Variants in FAM184B observed in about 807,000 individuals in gnomAD.
FAM184B encodes the protein family with sequence similarity 184 member B.
Under a neutral mutation model 135.9 loss-of-function variants are expected in FAM184B, and 111 were observed. The ratio of observed to expected loss-of-function variants is 0.82; its 90% CI spans 0.70 to 0.96. The LOEUF is 0.96. Among genes scored for constraint, FAM184B ranks in the 40% least tolerant of loss-of-function variants. The pLI is 0.00. For synonymous variants in FAM184B, 552 were observed against 524.8 expected (o/e 1.05, Z -0.71); for missense variants, 1,375 against 1,323.9 (o/e 1.04, Z -0.60).
chr4:17,637,669 A>G (rs1179637611), intron 14 of FAM184B, among the ~76,000 whole-genome samples: 1 of 94,236 alleles, frequency 1.1e-5, no homozygotes, highest in Non-Finnish European at 2.3e-5. Context: ...TTTGTATTGG[A>G]GACTGGAGAA....
chr4:17,671,697 C>A (rs1445572208), intron 7 of FAM184B, among the ~76,000 whole-genome samples: 5 of 151,790 alleles, frequency 3.3e-5, no homozygotes, highest in African/African-American at 1.2e-4. Context: ...ATATGATTTA[C>A]CTGACGGAGA....
chr4:17,727,319 C>T (rs1458394827), intron 1 of FAM184B, among the ~76,000 whole-genome samples: 3 of 152,190 alleles, frequency 2.0e-5, no homozygotes, highest in African/African-American at 4.8e-5. Context: ...ACCAGGACAG[C>T]TGACAAGAGA....
chr4:17,642,108 C>G lies in FAM184B; in HGVS notation c.2467G>C (p.Ala823Pro). ...TCCTGCTGATGCTGCTCCACCTCCG[C>G]GCGCAGCCGCCGCACCGCGTCCTGG... ...QLQDAVRRLR[A>P]EVEQHQQEAQ... The change falls in exon 13 of 18, where the codon GCG (alanine) becomes CCG (proline). Residue 823 changes from alanine (A) to proline (P), a missense_variant. Ala to Pro is a conservative substitution (Grantham distance 27). Coordinates refer to ENST00000265018, the MANE Select transcript of FAM184B (RefSeq NM_015688.2). 2 of 1,532,868 alleles carry G rather than the reference C, an allele frequency of 1.3e-6. No individual in the cohort carries two copies. Among genetic ancestry groups the G allele is most frequent in the Non-Finnish European group, 1.7e-6 (2 of 1,145,330 alleles). The allele number at this position is 1,532,868 out of a possible 1,614,324, so 95.0% of individuals were successfully genotyped here. A position where few individuals can be genotyped will look rare whatever the true frequency, so the allele number is the denominator to read the frequency against.
At chr4:17,760,259 T>C (rs1718515396) in intron 1 of FAM184B, among the ~76,000 whole-genome samples, 1 of 150,646 alleles carries the variant, frequency 6.6e-6, no homozygotes, top group African/African-American at 2.4e-5. Context: ...AGGTCAGGAG[T>C]TCAAGACCAG....
At chr4:17,767,219 G>A (rs944577854) in intron 1 of FAM184B, among the ~76,000 whole-genome samples, 5 of 152,160 alleles carry the variant, frequency 3.3e-5, no homozygotes, top group South Asian at 2.1e-4. Context: ...AGAGGGAGCC[G>A]GCTCCAGCCT....
Position 17,629,996 on chromosome 4 carries a change from A to G in FAM184B, c.*2536T>C, listed in dbSNP as rs1714876415. On this transcript the variant is annotated 3_prime_UTR_variant, in exon 18 of 18. Coordinates refer to ENST00000265018, the MANE Select transcript of FAM184B (RefSeq NM_015688.2). ...GGAAGCATGCAAAGATTTTGTTAAC[A>G]AAGATATAATCATTGCAGGGTAGAA... 6.6e-6 allele frequency: 1 copy of G among 152,210 alleles called. No individual in the cohort carries two copies. The highest frequency in any genetic ancestry group is 6.5e-5 in the Admixed American group (1 of 15,284). The allele number at this position is 152,210 out of a possible 1,614,324, so 9.4% of individuals were successfully genotyped here. A position where few individuals can be genotyped will look rare whatever the true frequency, so the allele number is the denominator to read the frequency against.
At chr4:17,726,311 A>G (rs942258515) in intron 1 of FAM184B, among the ~76,000 whole-genome samples, 9 of 152,204 alleles carry the variant, frequency 5.9e-5, no homozygotes, top group African/African-American at 2.2e-4. Flanking sequence ...ATATACCTGA[A>G]AAGCCCGAAG....
At chr4:17,753,205 G>A (rs780838267) in intron 1 of FAM184B, among the ~76,000 whole-genome samples, 7 of 152,114 alleles carry the variant, frequency 4.6e-5, no homozygotes, top group Admixed American at 4.6e-4. Context: ...GAATCTATAT[G>A]TAATTGTTTG....
intron 7 of FAM184B, among the ~76,000 whole-genome samples, chr4:17,665,617 G>A (rs1192524196): frequency 6.6e-6 from 1 of 152,196 alleles, no homozygotes; most frequent in Non-Finnish European, 1.5e-5. Flanking sequence ...CAGGGATCCT[G>A]GGAGGTGTCT....
At chr4:17,728,747 A>T (rs1321788092) in intron 1 of FAM184B, among the ~76,000 whole-genome samples, 1 of 152,186 alleles carries the variant, frequency 6.6e-6, no homozygotes, top group Non-Finnish European at 1.5e-5. Context: ...GTAGATTTAA[A>T]TTTTTTAAAA....
At chr4:17,649,178 G>T (rs1715541618) in intron 11 of FAM184B, among the ~76,000 whole-genome samples, 1 of 152,174 alleles carries the variant, frequency 6.6e-6, no homozygotes, top group Non-Finnish European at 1.5e-5. Context: ...GAAAATGGAT[G>T]AGGTGATAAA....
intron 7 of FAM184B, among the ~76,000 whole-genome samples, chr4:17,687,908 T>C (rs911308456): frequency 1.3e-5 from 2 of 152,144 alleles, no homozygotes; most frequent in African/African-American, 2.4e-5. Context: ...TCATTCGTTA[T>C]GGTGATCCTA....
At chr4:17,736,942 C>G (rs999454962) in intron 1 of FAM184B, among the ~76,000 whole-genome samples, 7 of 152,054 alleles carry the variant, frequency 4.6e-5, no homozygotes, top group Non-Finnish European at 1.0e-4. Context: ...GTCAGGAGTT[C>G]GAGACCAGCC....
chr4:17,691,225 A>G (rs1716724994), intron 6 of FAM184B, among the ~76,000 whole-genome samples: 2 of 152,210 alleles, frequency 1.3e-5, no homozygotes, highest in African/African-American at 4.8e-5. Flanking sequence ...ATGTTGGGAA[A>G]GTGATTTACC....
intron 10 of FAM184B, among the ~76,000 whole-genome samples, chr4:17,657,045 C>A (rs575274396): frequency 1.0e-3 from 153 of 152,288 alleles, no homozygotes; most frequent in Non-Finnish European, 1.9e-3. Context: ...AAGTATACTT[C>A]ATATTTTCCT....
chr4:17,744,650 G>A (rs149095195), intron 1 of FAM184B, among the ~76,000 whole-genome samples: 3 of 151,754 alleles, frequency 2.0e-5, no homozygotes, highest in African/African-American at 7.3e-5. Context: ...AATCCGGGAG[G>A]CAGAAGTTGC....
chr4:17,637,334 C>G (rs997579271), intron 14 of FAM184B, among the ~76,000 whole-genome samples: 16 of 152,186 alleles, frequency 1.1e-4, no homozygotes, highest in African/African-American at 3.9e-4. Flanking sequence ...GCCCCCACTG[C>G]TTTTTCAGCG....
chr4:17,759,520 T>G (rs1158355134), intron 1 of FAM184B, among the ~76,000 whole-genome samples: 1 of 151,944 alleles, frequency 6.6e-6, no homozygotes, highest in African/African-American at 2.4e-5. Context: ...TTTCTTTTTT[T>G]GAGACAGAGT....
intron 1 of FAM184B, among the ~76,000 whole-genome samples, chr4:17,730,353 G>A (rs974825546): frequency 6.6e-6 from 1 of 152,292 alleles, no homozygotes; most frequent in African/African-American, 2.4e-5. Context: ...AGGATATTAT[G>A]CAGGAGAACT....
Sources: gnomAD v4.1 joint callset for allele counts (sites outside exome capture counted in the v4.1 genomes callset) on GRCh38, gnomAD v4.1.1 for gene constraint, MANE v1.5 for transcripts, NCBI Gene and HGNC (gene_info 2026-07-23, HGNC 2026-07-21) for gene names.